MAF: variants seen among roughly 807,000 people sequenced by gnomAD.
MAF encodes MAF bZIP transcription factor.
MAF carries 10 observed loss-of-function variants against 22.0 expected under a neutral mutation model. The observed-to-expected ratio is 0.45, with a 90% CI of 0.28 to 0.77. The LOEUF is 0.77. Among genes scored for constraint, MAF ranks in the 30% least tolerant of loss-of-function variants. The probability of loss-of-function intolerance (pLI) is 0.12; values close to 1 mark genes in which losing one functional copy is unlikely to be tolerated. For synonymous variants in MAF, 337 were observed against 255.8 expected (o/e 1.32, Z -3.03); for missense variants, 544 against 548.4 (o/e 0.99, Z 0.08).
At chr16:79,334,934 C>T in the MAF span, among the ~76,000 whole-genome samples, 1 of 151,708 alleles carries the variant, frequency 6.6e-6, no homozygotes, top group Non-Finnish European at 1.5e-5. Flanking sequence ...CACCTGTAAT[C>T]CCAGCACTTT....
chr16:79,341,034 G>A, the MAF span, among the ~76,000 whole-genome samples: 74 of 152,170 alleles, frequency 4.9e-4, 1 homozygote, highest in Non-Finnish European at 1.0e-3. Flanking sequence ...TCCAGGCAGA[G>A]GGACAAAGGG....
chr16:79,319,910 G>T, the MAF span, among the ~76,000 whole-genome samples: 235 of 152,308 alleles, frequency 1.5e-3, 2 homozygotes, highest in African/African-American at 5.2e-3. Context: ...GTTGGAGATG[G>T]GCTTTCTGCA....
the MAF span, among the ~76,000 whole-genome samples, chr16:79,570,410 A>G: frequency 6.6e-6 from 1 of 152,064 alleles, no homozygotes; most frequent in Non-Finnish European, 1.5e-5. Context: ...TATTCCCTAT[A>G]GCCCTGGAGC....
chr16:79,596,633 TA>T, intron 1 of MAF: 2 of 1,039,600 alleles, frequency 1.9e-6, no homozygotes, highest in Non-Finnish European at 2.3e-6. Flanking sequence ...AAAAGAAAAG[TA>T]ACTGACAAGA....
chr16:79,343,312 G>A, the MAF span, among the ~76,000 whole-genome samples: 8 of 151,966 alleles, frequency 5.3e-5, no homozygotes, highest in Non-Finnish European at 1.2e-4. Context: ...GTGTCTCGCA[G>A]CATAGAAGAG....
chr16:79,442,085 G>T, the MAF span, among the ~76,000 whole-genome samples: 1 of 152,162 alleles, frequency 6.6e-6, no homozygotes, highest in African/African-American at 2.4e-5. Context: ...CCCTTCAGAG[G>T]GAAAGTGGCC....
the MAF span, among the ~76,000 whole-genome samples, chr16:79,377,718 A>G: frequency 2.0e-5 from 3 of 152,216 alleles, no homozygotes; most frequent in Non-Finnish European, 4.4e-5. Context: ...GGTGTAAGGA[A>G]GAGGTCGAGT....
the MAF span, among the ~76,000 whole-genome samples, chr16:79,254,130 A>C: frequency 6.6e-6 from 1 of 152,136 alleles, no homozygotes; most frequent in Non-Finnish European, 1.5e-5. Context: ...CATATGCCTC[A>C]TTAAAAGTGT....
chr16:79,574,399 C>T, the MAF span, among the ~76,000 whole-genome samples: 2 of 152,164 alleles, frequency 1.3e-5, no homozygotes, highest in Non-Finnish European at 2.9e-5. Flanking sequence ...TACCTCCATC[C>T]TTGTGACTTG....
the MAF span, among the ~76,000 whole-genome samples, chr16:79,281,257 C>A: frequency 6.8e-6 from 1 of 147,058 alleles, no homozygotes; most frequent in South Asian, 2.1e-4. Flanking sequence ...GGGTAATGAG[C>A]AAAGGGTATT....
chr16:79,266,398 G>T, the MAF span, among the ~76,000 whole-genome samples: 1 of 152,190 alleles, frequency 6.6e-6, no homozygotes, highest in Non-Finnish European at 1.5e-5. Flanking sequence ...CTTTAATAGA[G>T]GGGTTCTGAG....
At chr16:79,209,945 G>A in the MAF span, among the ~76,000 whole-genome samples, 2 of 152,182 alleles carry the variant, frequency 1.3e-5, no homozygotes, top group African/African-American at 2.4e-5. Context: ...AAAAGAAACA[G>A]CTGAATCCAG....
chr16:79,437,140 C>A, the MAF span, among the ~76,000 whole-genome samples: 1 of 25,980 alleles, frequency 3.8e-5, no homozygotes, highest in East Asian at 2.6e-3. Flanking sequence ...AAAGCTCTCT[C>A]TCTCTCTGTG....
chr16:79,468,458 T>C, the MAF span, among the ~76,000 whole-genome samples: 2 of 152,126 alleles, frequency 1.3e-5, no homozygotes, highest in African/African-American at 2.4e-5. Context: ...CCGTGGAGGG[T>C]GGGAGACCTG....
At chr16:79,320,434 T>C in the MAF span, among the ~76,000 whole-genome samples, 1 of 152,190 alleles carries the variant, frequency 6.6e-6, no homozygotes, top group Non-Finnish European at 1.5e-5. Context: ...AGAGTGGGGA[T>C]GCCGTTGGTC....
At chr16:79,526,272 T>G in the MAF span, among the ~76,000 whole-genome samples, 1 of 152,150 alleles carries the variant, frequency 6.6e-6, no homozygotes, top group Admixed American at 6.5e-5. Context: ...CACCTCAGAT[T>G]ATCAGGCATT....
At position 79,594,088 on chromosome 16, in the gene MAF, G is replaced by A. The variant is rs780279801; in HGVS notation, c.*372C>T. On this transcript the variant is annotated 3_prime_UTR_variant, in exon 2 of 2. Coordinates refer to ENST00000326043, the MANE Select transcript of MAF (RefSeq NM_005360.5). ...AGCATGAAAAAGTACTATTTAGAAT[G>A]TGCATGCCTATATATGATTTTAAAA... 1 of 275,680 alleles carries A rather than the reference G, an allele frequency of 3.6e-6. No individual in the cohort carries two copies. The highest frequency in any genetic ancestry group is 7.0e-6 in the Non-Finnish European group (1 of 142,684). The allele number at this position is 275,680 out of a possible 1,614,324, so 17.1% of individuals were successfully genotyped here. A position where few individuals can be genotyped will look rare whatever the true frequency, so the allele number is the denominator to read the frequency against.
At chr16:79,543,859 T>C in the MAF span, among the ~76,000 whole-genome samples, 28 of 152,112 alleles carry the variant, frequency 1.8e-4, no homozygotes, top group Non-Finnish European at 1.5e-5. Flanking sequence ...GCTAATTTTT[T>C]ATATTTTTAG....
At chr16:79,359,146 C>T in the MAF span, among the ~76,000 whole-genome samples, 1 of 152,196 alleles carries the variant, frequency 6.6e-6, no homozygotes, top group African/African-American at 2.4e-5. Flanking sequence ...TTTCTCTCTC[C>T]ATACATCATT....
Sources: allele counts gnomAD v4.1 joint callset (sites outside exome capture counted in the v4.1 genomes callset), GRCh38; gene constraint gnomAD v4.1.1; transcripts MANE v1.5; gene names NCBI Gene and HGNC (gene_info 2026-07-23, HGNC 2026-07-21).